The following COPA variants were observed in gnomAD, a reference collection of about 807,000 sequenced individuals.
The protein encoded by COPA is coat protein complex I subunit alpha.
A neutral mutation model predicts 158.7 loss-of-function variants in COPA; 10 were observed. The observed-to-expected ratio is 0.06, with a 90% confidence interval of 0.04 to 0.11. The LOEUF is 0.11. Among genes scored for constraint, COPA ranks in the 10% least tolerant of loss-of-function variants. The pLI is 1.00. For missense variants in COPA, 1,065 were observed against 1,536.7 expected, an observed-to-expected ratio of 0.69 and a Z score of 5.13; for synonymous variants, 462 against 542.8, an observed-to-expected ratio of 0.85 and a Z score of 2.07.
intron 4 of COPA, among the ~76,000 whole-genome samples, chr1:160,334,032 C>A (rs1490400974): frequency 6.6e-6 from 1 of 152,134 alleles, no homozygotes; most frequent in Non-Finnish European, 1.5e-5. Flanking sequence ...GTGAAAGACT[C>A]TTCTACCTTT....
chr1:160,310,684 G>A (rs1405309534), intron 11 of COPA, among the ~76,000 whole-genome samples: 2 of 152,116 alleles, frequency 1.3e-5, no homozygotes, highest in Non-Finnish European at 2.9e-5. Context: ...ATGCTAAAGG[G>A]TGGTTATCAA....
intron 6 of COPA, among the ~76,000 whole-genome samples, chr1:160,328,318 G>C (rs183173171): frequency 6.6e-6 from 1 of 152,312 alleles, no homozygotes; most frequent in East Asian, 1.9e-4. Flanking sequence ...AAGGAAAGCC[G>C]TATGACAGAA....
chr1:160,332,786 A>C (rs1647590007), intron 5 of COPA, among the ~76,000 whole-genome samples: 1 of 152,350 alleles, frequency 6.6e-6, no homozygotes, highest in Non-Finnish European at 1.5e-5. Flanking sequence ...TACTAATTTC[A>C]GGAGGACTAA....
chr1:160,342,999 C>G, intron 1 of COPA, 132 bp downstream of exon 1: 1 of 1,116,478 alleles, frequency 9.0e-7, no homozygotes, highest in Non-Finnish European at 1.4e-6. Context: ...AACCTCTCTC[C>G]CACCCTCCGT....
chr1:160,307,577 C>G (rs1388547077), intron 13 of COPA, among the ~76,000 whole-genome samples: 1 of 152,230 alleles, frequency 6.6e-6, no homozygotes, highest in African/African-American at 2.4e-5. Context: ...CCTGGCCAAG[C>G]TGCGGCAAAG....
At chr1:160,332,649 A>G (rs1192634028) in intron 5 of COPA, 92 bp from the exon 6 acceptor site, 2 of 855,328 alleles carry the variant, frequency 2.3e-6, no homozygotes, top group Non-Finnish European at 3.5e-6. Context: ...ATAAATGCTT[A>G]TCCAGTTTTA....
At chr1:160,326,088 ATT>A (rs1365251934) in intron 6 of COPA, 2 of 164,420 alleles carry the variant, frequency 1.2e-5, no homozygotes, top group East Asian at 3.2e-4. Context: ...CATTTCAGAA[ATT>A]TTTTTCTTTT....
At chr1:160,290,940 C>G (rs915783156) in intron 31 of COPA, among the ~76,000 whole-genome samples, 1 of 152,170 alleles carries the variant, frequency 6.6e-6, no homozygotes, top group Non-Finnish European at 1.5e-5. Flanking sequence ...TAGAGATTAT[C>G]AGGGTCAGGT....
At chr1:160,333,532 C>G in intron 5 of COPA, 71 bp downstream of exon 5, 5 of 1,093,624 alleles carry the variant, frequency 4.6e-6, no homozygotes, top group South Asian at 1.4e-5. Context: ...GAAGATTGTT[C>G]TAAGAGAAGC....
At chr1:160,308,864 A>G in intron 13 of COPA, 1 of 455,312 alleles carries the variant, frequency 2.2e-6, no homozygotes, top group Non-Finnish European at 3.9e-6. Context: ...GAGAGAATGG[A>G]GAGTTTCTAA....
At chr1:160,319,477 T>A (rs1228221535) in intron 8 of COPA, among the ~76,000 whole-genome samples, 1 of 149,868 alleles carries the variant, frequency 6.7e-6, no homozygotes, top group African/African-American at 2.5e-5. Context: ...AGACAGATCA[T>A]CCATACAGTA....
intron 6 of COPA, 133 bp from the exon 7 acceptor site, chr1:160,325,785 A>G: frequency 1.5e-6 from 1 of 678,894 alleles, no homozygotes; most frequent in Non-Finnish European, 2.5e-6. Context: ...AAGAAAAGAG[A>G]CTCAAGAATT....
At position 160,289,891 on chromosome 1, in the gene COPA, C is replaced by CAG. The variant is rs1275962492; in HGVS notation, c.*264_*265dup. On this transcript the variant is annotated 3_prime_UTR_variant, in exon 33 of 33. Transcript: ENST00000241704. The stretch of plus-strand genomic sequence containing the variant: ...CAGGTATGAGCCACTCCACCCAGCC[C>CAG]AGAGTTTTCATTTGTTCCTTAAAAT... The CAG allele has an allele frequency of 1.7e-5, 6 of 360,650 alleles. No individual in the cohort carries two copies. Among genetic ancestry groups the CAG allele is most frequent in the African/African-American group, 1.3e-4 (6 of 46,650 alleles). 22.3% of individuals were successfully genotyped at this position (360,650 alleles called of 1,614,324 possible). A position where few individuals can be genotyped will look rare whatever the true frequency, so the allele number is the denominator to read the frequency against.
At chr1:160,299,888 A>C (rs748103565) in intron 17 of COPA, among the ~76,000 whole-genome samples, 18 of 152,170 alleles carry the variant, frequency 1.2e-4, no homozygotes, top group Non-Finnish European at 8.8e-5. Flanking sequence ...GTAGAAATTA[A>C]ATAAAAAACA....
At chr1:160,311,679 G>A (rs1349627538) in intron 11 of COPA, among the ~76,000 whole-genome samples, 189 bp downstream of exon 11, 1 of 151,950 alleles carries the variant, frequency 6.6e-6, no homozygotes, top group Non-Finnish European at 1.5e-5. Flanking sequence ...CCCGGGAGGC[G>A]GAGCTTGCAG....
chr1:160,290,609 A>G lies in COPA; in HGVS notation c.3498T>C (p.Phe1166=). Residue 1166 remains phenylalanine (F), a synonymous_variant, in exon 32 of 33, where the codon TTT becomes TTC. Coordinates refer to ENST00000241704, the MANE Select transcript of COPA (RefSeq NM_004371.4). ...YQLNYDMHNP[F]DICAASYRPI... ...GCCGATATGATGCAGCACAAATGTC[A>G]AAGGGGTTGTGCATGTCATAATTGA... 1.2e-6 allele frequency: 2 copies of G among 1,614,138 alleles called. No homozygotes were observed. The highest frequency in any genetic ancestry group is 1.7e-6 in the Non-Finnish European group (2 of 1,180,026).
intron 19 of COPA, among the ~76,000 whole-genome samples, chr1:160,298,103 C>A (rs370642741): frequency 1.3e-5 from 2 of 151,844 alleles, no homozygotes; most frequent in African/African-American, 4.8e-5. Context: ...ATCGCTTGGA[C>A]CCAGGAGGCG....
chr1:160,337,999 C>T (rs530765123), intron 3 of COPA, among the ~76,000 whole-genome samples: 1 of 152,284 alleles, frequency 6.6e-6, no homozygotes, highest in African/African-American at 2.4e-5. Context: ...TCCTCCCAAC[C>T]CCTCCAACCC....
intron 6 of COPA, 68 bp downstream of exon 6, chr1:160,332,380 A>C: frequency 2.0e-6 from 2 of 1,014,622 alleles, no homozygotes; most frequent in Non-Finnish European, 3.0e-6. Flanking sequence ...AACTCTCCTC[A>C]CTATTTTAAG....
Sources: allele counts gnomAD v4.1 joint callset (sites outside exome capture counted in the v4.1 genomes callset), GRCh38; gene constraint gnomAD v4.1.1; transcripts MANE v1.5; gene names NCBI Gene and HGNC (gene_info 2026-07-23, HGNC 2026-07-21).